HSD17B12: variants seen among roughly 807,000 people sequenced by gnomAD.
HSD17B12 encodes very-long-chain 3-oxoacyl-CoA reductase.
Under a neutral mutation model 39.3 loss-of-function variants are expected in HSD17B12, and 32 were observed. The ratio of observed to expected loss-of-function variants is 0.81; its 90% confidence interval spans 0.61 to 1.09. HSD17B12 has a LOEUF of 1.09. HSD17B12 is among the 50% of genes least tolerant of loss of function. HSD17B12 has a pLI of 0.00. For missense variants in HSD17B12, 342 were observed against 382.9 expected (o/e 0.89, Z 0.89); for synonymous variants, 150 against 146.7 (o/e 1.02, Z -0.16).
At chr11:43,670,549 TA>T in the HSD17B12 span, 19 of 152,326 alleles carry the variant, frequency 1.2e-4, no homozygotes, top group Admixed American at 5.9e-4. Context: ...TTTATATAAC[TA>T]ACATATATTT....
chr11:43,671,873 G>A, the HSD17B12 span, among the ~76,000 whole-genome samples: 2 of 152,048 alleles, frequency 1.3e-5, no homozygotes, highest in African/African-American at 4.8e-5. Flanking sequence ...ATATAATTCC[G>A]TGTGCTTTTG....
At chr11:43,640,224 A>G in the HSD17B12 span, among the ~76,000 whole-genome samples, 1 of 152,180 alleles carries the variant, frequency 6.6e-6, no homozygotes, top group Non-Finnish European at 1.5e-5. Flanking sequence ...AGCACAATTA[A>G]TTCTCATTCC....
At chr11:43,589,477 GA>G in the HSD17B12 span, among the ~76,000 whole-genome samples, 1 of 152,030 alleles carries the variant, frequency 6.6e-6, no homozygotes, top group African/African-American at 2.4e-5. Flanking sequence ...CAAAGAGAAG[GA>G]AAAAATATTT....
At chr11:43,702,662 G>A (rs1218676029) in intron 1 of HSD17B12, among the ~76,000 whole-genome samples, 1 of 152,070 alleles carries the variant, frequency 6.6e-6, no homozygotes, top group Non-Finnish European at 1.5e-5. Context: ...GCATCCTAGG[G>A]ATAAATCCCA....
intron 5 of HSD17B12, among the ~76,000 whole-genome samples, 195 bp downstream of exon 5, chr11:43,815,696 T>C (rs138644155): frequency 0.01 from 1,584 of 152,232 alleles, 12 homozygotes; most frequent in South Asian, 0.029. Flanking sequence ...GGCAGCTTCA[T>C]AGGGGTATTA....
chr11:43,803,596 T>C (rs1518816), intron 4 of HSD17B12, among the ~76,000 whole-genome samples: 54,606 of 151,984 alleles, frequency 0.36, 10,539 homozygotes, highest in East Asian at 0.68. Context: ...TAAAGAAAAT[T>C]AATATTTTCA....
intron 1 of HSD17B12, among the ~76,000 whole-genome samples, chr11:43,720,449 C>T (rs1002693334): frequency 6.6e-6 from 1 of 152,196 alleles, no homozygotes; most frequent in East Asian, 1.9e-4. Context: ...TAACATGAGG[C>T]ACTCTCTCTC....
At chr11:43,752,118 A>C (rs1950470200) in intron 2 of HSD17B12, among the ~76,000 whole-genome samples, 1 of 152,088 alleles carries the variant, frequency 6.6e-6, no homozygotes, top group African/African-American at 2.4e-5. Context: ...TTTTTGAAAA[A>C]TCCAGTTTAG....
At chr11:43,558,580 C>T in the HSD17B12 span, among the ~76,000 whole-genome samples, 1 of 152,076 alleles carries the variant, frequency 6.6e-6, no homozygotes, top group South Asian at 2.1e-4. Context: ...AGGGAATACC[C>T]CCTCCTCCAT....
intron 3 of HSD17B12, among the ~76,000 whole-genome samples, chr11:43,768,555 T>C (rs1209782444): frequency 6.6e-6 from 1 of 152,112 alleles, no homozygotes; most frequent in Non-Finnish European, 1.5e-5. Flanking sequence ...TTAAAGATGG[T>C]GTGTCCAGAG....
At chr11:43,824,526 C>T (rs1048464939) in intron 6 of HSD17B12, among the ~76,000 whole-genome samples, 1 of 152,146 alleles carries the variant, frequency 6.6e-6, no homozygotes, top group African/African-American at 2.4e-5. Context: ...ATAGATGGAG[C>T]CTTCTTGCCA....
chr11:43,746,563 C>G (rs996294954), intron 1 of HSD17B12, among the ~76,000 whole-genome samples: 2 of 152,146 alleles, frequency 1.3e-5, no homozygotes, highest in African/African-American at 4.8e-5. Context: ...TCTGGAGTAT[C>G]TCCTGAAGGA....
chr11:43,599,180 G>T, the HSD17B12 span, among the ~76,000 whole-genome samples: 1 of 152,154 alleles, frequency 6.6e-6, no homozygotes, highest in Non-Finnish European at 1.5e-5. Context: ...TAATGGTAAT[G>T]ATGGTTATTT....
intron 1 of HSD17B12, among the ~76,000 whole-genome samples, chr11:43,712,324 G>A (rs2134838324): frequency 6.6e-6 from 1 of 152,164 alleles, no homozygotes; most frequent in South Asian, 2.1e-4. Flanking sequence ...CTACTCAGGA[G>A]GCTGAGGCAG....
intron 1 of HSD17B12, among the ~76,000 whole-genome samples, chr11:43,699,919 G>A (rs1949947504): frequency 2.0e-5 from 3 of 152,216 alleles, no homozygotes; most frequent in Non-Finnish European, 4.4e-5. Flanking sequence ...ACCACAGTGA[G>A]ATATCATCTT....
At chr11:43,615,357 G>A in the HSD17B12 span, among the ~76,000 whole-genome samples, 13 of 152,108 alleles carry the variant, frequency 8.5e-5, no homozygotes, top group Admixed American at 8.5e-4. Context: ...TGTATTCTCT[G>A]CTAGGGCTCA....
the HSD17B12 span, chr11:43,584,437 A>G: frequency 6.6e-6 from 1 of 152,068 alleles, no homozygotes; most frequent in Non-Finnish European, 1.5e-5. Context: ...TGTGCCCCCT[A>G]CCCTTTTCCT....
intron 1 of HSD17B12, among the ~76,000 whole-genome samples, chr11:43,691,773 C>T (rs1192249535): frequency 6.6e-6 from 1 of 152,204 alleles, no homozygotes; most frequent in Non-Finnish European, 1.5e-5. Context: ...TTGGATGCAT[C>T]CTGGATGACG....
At chr11:43,760,328 A>G (rs566429430) in intron 3 of HSD17B12, among the ~76,000 whole-genome samples, 126 of 152,240 alleles carry the variant, frequency 8.3e-4, no homozygotes, top group Non-Finnish European at 1.2e-3. Context: ...GGGCTTATAC[A>G]TGTAAGCCAC....
Sources: allele counts gnomAD v4.1 joint callset (sites outside exome capture counted in the v4.1 genomes callset), GRCh38; gene constraint gnomAD v4.1.1; transcripts MANE v1.5; gene names NCBI Gene and HGNC (gene_info 2026-07-23, HGNC 2026-07-21).